SMARCA2: variants seen among roughly 807,000 people sequenced by gnomAD.
SMARCA2 encodes the protein SWI/SNF-related matrix-associated actin-dependent regulator of chromatin subfamily A member 2.
A neutral mutation model predicts 199.8 loss-of-function variants in SMARCA2; 61 were observed. That is an observed-to-expected ratio of 0.31 (90% CI 0.25 to 0.38). The LOEUF (loss-of-function observed/expected upper bound fraction) is 0.38, where lower values mean the gene tolerates loss of function less well. Ranked by LOEUF, SMARCA2 falls within the 10% of genes least tolerant of loss-of-function variation. The probability of loss-of-function intolerance (pLI) is 1.00; values close to 1 mark genes in which losing one functional copy is unlikely to be tolerated. For synonymous variants in SMARCA2, 935 were observed against 732.0 expected, an observed-to-expected ratio of 1.28 and a Z score of -4.48; for missense variants, 1,344 against 2,012.2, an observed-to-expected ratio of 0.67 and a Z score of 6.35.
At chr9:2,090,409 A>G (rs1026425182) in intron 19 of SMARCA2, among the ~76,000 whole-genome samples, 1 of 152,192 alleles carries the variant, frequency 6.6e-6, no homozygotes, top group Non-Finnish European at 1.5e-5. Flanking sequence ...AGTGGAAATC[A>G]TGGGCTCTGC....
At chr9:2,157,707 C>A (rs947764936) in intron 27 of SMARCA2, 2 of 384,830 alleles carry the variant, frequency 5.2e-6, no homozygotes, top group East Asian at 3.7e-5. Flanking sequence ...GGAAACGATG[C>A]GCAGGAGTTG....
Position 2,181,688 on chromosome 9 carries a change from G to C in SMARCA2, c.4359+12G>C, listed in dbSNP as rs1050312739. On this transcript the variant is annotated intron_variant, in intron 30 of 33. Coordinates refer to ENST00000349721, the MANE Select transcript of SMARCA2 (RefSeq NM_003070.5). Reference sequence around the variant, plus strand: ...TCAAAAAAATAAAGGTAGATATTTTGTTTACCAACTTTATTCTTCAAGTAA... The same window carrying C: ...TCAAAAAAATAAAGGTAGATATTTTCTTTACCAACTTTATTCTTCAAGTAA... 1 of 1,246,716 alleles carries C rather than the reference G, an allele frequency of 8.0e-7. No individual in the cohort carries two copies. The highest frequency in any genetic ancestry group is 1.2e-6 in the Non-Finnish European group (1 of 845,640). 77.2% of individuals were successfully genotyped at this position (1,246,716 alleles called of 1,614,324 possible). A position where few individuals can be genotyped will look rare whatever the true frequency, so the allele number is the denominator to read the frequency against.
intron 23 of SMARCA2, among the ~76,000 whole-genome samples, chr9:2,108,437 G>GATGAGA (rs1822854140): frequency 6.6e-6 from 1 of 152,172 alleles, no homozygotes; most frequent in Non-Finnish European, 1.5e-5. Context: ...GAGATTAACT[G>GATGAGA]TTCGGTTTCA....
At chr9:2,080,824 A>G (rs1284633381) in intron 14 of SMARCA2, among the ~76,000 whole-genome samples, 1 of 152,048 alleles carries the variant, frequency 6.6e-6, no homozygotes, top group African/African-American at 2.4e-5. Flanking sequence ...GGCACTGTCA[A>G]CCACTTCTTG....
chr9:2,134,894 C>G (rs572828041), intron 27 of SMARCA2, among the ~76,000 whole-genome samples: 15 of 152,164 alleles, frequency 9.9e-5, no homozygotes, highest in Non-Finnish European at 1.8e-4. Flanking sequence ...ATGCTATACC[C>G]TATCCTCAGA....
chr9:2,178,701 C>T (rs1826797231), intron 29 of SMARCA2, among the ~76,000 whole-genome samples: 1 of 151,940 alleles, frequency 6.6e-6, no homozygotes. Context: ...GGCTGCTTCA[C>T]TTCCTTTTTT....
intron 26 of SMARCA2, among the ~76,000 whole-genome samples, chr9:2,122,252 G>C (rs973021053): frequency 6.6e-6 from 1 of 152,098 alleles, no homozygotes; most frequent in African/African-American, 2.4e-5. Flanking sequence ...TTTTTTTGCT[G>C]TAGATAATAG....
In SMARCA2 at chr9:2,151,303, C is replaced by A. The variant is rs191799661; in HGVS notation, c.3982-10383C>A. Among the ~76,000 whole-genome samples the A allele has an allele frequency of 6.4e-4, 97 of 151,480 alleles. 1 individual carries two copies. Among genetic ancestry groups the A allele is most frequent in the Middle Eastern group, 3.4e-3 (1 of 292 alleles). ...ATAGTTCATCAGGAGAGGGAATTGG[C>A]CACCAAAGATGAAAGTGCTGCAAAG... is the stretch of plus-strand genomic sequence containing the variant. On this transcript the variant is annotated intron_variant, in intron 27 of 33. Transcript: ENST00000349721.
At chr9:2,092,144 TTGTC>T (rs1224268379) in intron 19 of SMARCA2, among the ~76,000 whole-genome samples, 1 of 152,244 alleles carries the variant, frequency 6.6e-6, no homozygotes, top group African/African-American at 2.4e-5. Flanking sequence ...ACATTTAAGG[TTGTC>T]TGTGCTGACT....
At chr9:2,067,647 A>G (rs946418919) in intron 9 of SMARCA2, among the ~76,000 whole-genome samples, 1 of 152,194 alleles carries the variant, frequency 6.6e-6, no homozygotes, top group African/African-American at 2.4e-5. Flanking sequence ...CACAAGAGAA[A>G]ATGATTTGCT....
At chr9:2,101,704 A>G (rs537314116) in intron 22 of SMARCA2, 88 bp downstream of exon 22, 5 of 669,236 alleles carry the variant, frequency 7.5e-6, no homozygotes, top group African/African-American at 5.6e-5. Context: ...CTCTTGTGCA[A>G]ATACTTACTT....
At chr9:2,028,220 G>T (rs1346686594) in intron 1 of SMARCA2, among the ~76,000 whole-genome samples, 13 of 152,180 alleles carry the variant, frequency 8.5e-5, no homozygotes, top group Admixed American at 8.5e-4. Flanking sequence ...CAATTAATTA[G>T]CTGGCAAGAG....
At chr9:2,116,943 C>T (rs1002325614) in intron 25 of SMARCA2, among the ~76,000 whole-genome samples, 1 of 151,990 alleles carries the variant, frequency 6.6e-6, no homozygotes, top group African/African-American at 2.4e-5. Context: ...TGATTTTTGC[C>T]TTAAATAGGA....
intron 27 of SMARCA2, among the ~76,000 whole-genome samples, chr9:2,153,682 T>C (rs1005773273): frequency 1.3e-5 from 2 of 152,192 alleles, no homozygotes; most frequent in Admixed American, 1.3e-4. Context: ...CCTCTACATG[T>C]ATGAGTTTTT....
In SMARCA2 at chr9:2,039,364, G is replaced by A. The variant is rs902718093; in HGVS notation, c.356-102G>A. The stretch of plus-strand genomic sequence containing the variant: ...TAAATGATATGTCATTCAAATTTCT[G>A]TCAGACAGTGTTGCTGTGGACAATT... On this transcript the variant is annotated intron_variant, in intron 3 of 33. Transcript: ENST00000349721. This position sits in a 1 kb window ranked among gnomAD's most constrained non-coding sequence, Gnocchi z 4.8. 1.8e-6 allele frequency: 2 copies of A among 1,087,682 alleles called. No homozygotes were observed. Among genetic ancestry groups the A allele is most frequent in the East Asian group, 2.4e-5 (1 of 41,256 alleles). The allele number at this position is 1,087,682 out of a possible 1,614,324, so 67.4% of individuals were successfully genotyped here.
rs1446168371 is a variant in SMARCA2, at chr9:2,140,312, T to C, written c.3981+16375T>C. 2.6e-5 allele frequency among the ~76,000 whole-genome samples: 4 copies of C among 152,220 alleles called. No individual in the cohort carries two copies. In the East Asian group the frequency reaches 7.7e-4, roughly 29 times the overall value. ...TTTGCATTTAATTTTAAAATATCAA[T>C]ACACTGATGTCATGGTATATCATTT... On this transcript the variant is annotated intron_variant, in intron 27 of 33. Transcript: ENST00000349721.
chr9:2,109,666 T>C (rs1822905801), intron 23 of SMARCA2, among the ~76,000 whole-genome samples: 1 of 152,166 alleles, frequency 6.6e-6, no homozygotes, highest in Non-Finnish European at 1.5e-5. Flanking sequence ...CTTTAAGTCT[T>C]GCTAACAAGG....
At chr9:2,130,071 C>T (rs1823873480) in intron 27 of SMARCA2, among the ~76,000 whole-genome samples, 1 of 152,224 alleles carries the variant, frequency 6.6e-6, no homozygotes, top group African/African-American at 2.4e-5. Context: ...CCAGGCTGGT[C>T]TTGAACTCCT....
chr9:2,192,595 G>A, intron 33 of SMARCA2, 109 bp from the exon 34 acceptor site: 1 of 810,806 alleles, frequency 1.2e-6, no homozygotes, highest in South Asian at 1.4e-5. Flanking sequence ...TTGGCGAGTT[G>A]TTTCCAAAAT....
Sources: allele counts gnomAD v4.1 joint callset (sites outside exome capture counted in the v4.1 genomes callset), GRCh38; gene constraint gnomAD v4.1.1; non-coding constraint Gnocchi (gnomAD v3.1); transcripts MANE v1.5; gene names NCBI Gene and HGNC (gene_info 2026-07-23, HGNC 2026-07-21).